The following LAMA4 variants were observed in gnomAD, a reference collection of about 807,000 sequenced individuals.
The protein encoded by LAMA4 is laminin subunit alpha-4.
Under a neutral mutation model 207.1 loss-of-function variants are expected in LAMA4, and 127 were observed. That is an observed-to-expected ratio of 0.61 (90% CI 0.53 to 0.71). The LOEUF is 0.71. LAMA4 is among the 30% of genes least tolerant of loss of function. The pLI, the probability that LAMA4 is intolerant of heterozygous loss-of-function variation, is 0.00. For missense variants in LAMA4, 2,093 were observed against 2,246.5 expected (o/e 0.93, Z 1.38); for synonymous variants, 761 against 816.0 (o/e 0.93, Z 1.15).
Position 112,155,719 on chromosome 6 carries a change from A to C in LAMA4, c.1818-13T>G, listed in dbSNP as rs781795209. ...ACTGTGCAACTTCCTGTTAATAAAC[A>C]AACATTGTTATTTCTCCTTCTTACC... On this transcript the variant is annotated splice_polypyrimidine_tract_variant and intron_variant, in intron 14 of 38. Coordinates refer to ENST00000230538, the MANE Select transcript of LAMA4 (RefSeq NM_001105206.3). The C allele has an allele frequency of 6.2e-7, 1 of 1,613,908 alleles. No individual in the cohort carries two copies. The highest frequency in any genetic ancestry group is 1.1e-5 in the South Asian group (1 of 91,078).
intron 2 of LAMA4, among the ~76,000 whole-genome samples, chr6:112,235,488 C>T (rs1188759015): frequency 1.3e-5 from 2 of 152,084 alleles, no homozygotes; most frequent in Non-Finnish European, 2.9e-5. Context: ...GTGCTATCAA[C>T]GTTTCATTTT....
chr6:112,204,962 T>G (rs1783974527), intron 4 of LAMA4, among the ~76,000 whole-genome samples: 1 of 152,170 alleles, frequency 6.6e-6, no homozygotes, highest in Non-Finnish European at 1.5e-5. Flanking sequence ...TTAGGTGAAA[T>G]GTTAGTTGAT....
chr6:112,133,057 A>G (rs1464006451), intron 27 of LAMA4, among the ~76,000 whole-genome samples, 167 bp from the exon 28 acceptor site: 1 of 152,296 alleles, frequency 6.6e-6, no homozygotes, highest in African/African-American at 2.4e-5. Context: ...AGCTCCTCTG[A>G]GAGATGGGGT....
intron 30 of LAMA4, 151 bp from the exon 31 acceptor site, chr6:112,129,226 T>C: frequency 1.5e-6 from 1 of 658,468 alleles, no homozygotes; most frequent in Non-Finnish European, 2.6e-6. Flanking sequence ...TCCTTACCCA[T>C]CAACCACTCT....
chr6:112,126,116 A>T (rs782298536), intron 31 of LAMA4, among the ~76,000 whole-genome samples: 2 of 152,216 alleles, frequency 1.3e-5, no homozygotes, highest in Non-Finnish European at 2.9e-5. Flanking sequence ...TAATATGGAA[A>T]AGCTTGTGTT....
intron 5 of LAMA4, among the ~76,000 whole-genome samples, chr6:112,201,296 A>G (rs1783732095): frequency 6.6e-6 from 1 of 152,220 alleles, no homozygotes; most frequent in Non-Finnish European, 1.5e-5. Flanking sequence ...ATTGATGGAG[A>G]GAGAAAAGAG....
At chr6:112,197,249 G>T (rs377106007) in intron 5 of LAMA4, among the ~76,000 whole-genome samples, 2 of 152,160 alleles carry the variant, frequency 1.3e-5, no homozygotes, top group East Asian at 1.9e-4. Flanking sequence ...GGAGTTTAAA[G>T]TGTGAGGTGG....
chr6:112,118,265 C>T lies in LAMA4; in HGVS notation c.4822-367G>A, dbSNP rs1376673735. On this transcript the variant is annotated intron_variant, in intron 34 of 38. Coordinates refer to ENST00000230538, the MANE Select transcript of LAMA4 (RefSeq NM_001105206.3). The surrounding 1 kb of genome is among the most constrained non-coding windows in gnomAD (Gnocchi z 4.6). ...TGATGAGGGCTAGCAAAGTTCTTTACTTAAATCTACCATAGCCAAATAAAC... is the reference window on the plus strand; with the variant it reads ...TGATGAGGGCTAGCAAAGTTCTTTATTTAAATCTACCATAGCCAAATAAAC... Among the ~76,000 whole-genome samples, 1 of 152,190 alleles carries T rather than the reference C, an allele frequency of 6.6e-6. No individual in the cohort carries two copies.
intron 9 of LAMA4, among the ~76,000 whole-genome samples, chr6:112,182,477 G>A (rs958102595): frequency 2.6e-5 from 4 of 152,194 alleles, no homozygotes; most frequent in Admixed American, 2.0e-4. Flanking sequence ...TATGAATACA[G>A]AGGGCCAACT....
At chr6:112,185,667 T>C (rs1554346464) in intron 8 of LAMA4, among the ~76,000 whole-genome samples, 1 of 152,218 alleles carries the variant, frequency 6.6e-6, no homozygotes, top group East Asian at 1.9e-4. Flanking sequence ...CCTGGGTGTC[T>C]GAGCTTTAGA....
chr6:112,190,775 A>G (rs1782971356), intron 6 of LAMA4, among the ~76,000 whole-genome samples: 1 of 152,226 alleles, frequency 6.6e-6, no homozygotes, highest in Admixed American at 6.5e-5. Flanking sequence ...TGACTTGCTA[A>G]TCTATTTTAT....
chr6:112,193,161 G>A (rs1284116142), intron 5 of LAMA4, among the ~76,000 whole-genome samples: 3 of 152,158 alleles, frequency 2.0e-5, no homozygotes, highest in Non-Finnish European at 4.4e-5. Flanking sequence ...GTAGGGTAGA[G>A]AAGTTAGTTC....
chr6:112,120,482 G>T lies in LAMA4; in HGVS notation c.4476-10C>A, dbSNP rs899288475. 5 of 1,600,246 alleles carry T rather than the reference G, an allele frequency of 3.1e-6. No homozygotes were observed. The Admixed American group carries it at 6.7e-5, about 21-fold the overall frequency. ...AATGGAAAACTGAGATCTGGTAAATGAAAAGAAAGGGATTACCATATGTAA... is the reference window on the plus strand; with the variant it reads ...AATGGAAAACTGAGATCTGGTAAATTAAAAGAAAGGGATTACCATATGTAA... On this transcript the variant is annotated splice_polypyrimidine_tract_variant and intron_variant, in intron 32 of 38. Transcript: ENST00000230538.
intron 4 of LAMA4, among the ~76,000 whole-genome samples, chr6:112,202,205 T>C (rs1463791721): frequency 6.6e-6 from 1 of 152,196 alleles, no homozygotes. Flanking sequence ...CCCAGTCAAG[T>C]ACTGCAGCAA....
Position 112,253,955 on chromosome 6 carries a change from C to A in LAMA4, c.195+1G>T. ...GGGTGGCAATGGCAGGGACACTGTA[C>A]CTCGGCCGCAGGCGGCAGGCGTCCC... On this transcript the variant is annotated splice_donor_variant, in intron 2 of 38. Transcript: ENST00000230538. LOFTEE classifies it high-confidence loss of function. 6.3e-7 allele frequency: 1 copy of A among 1,598,400 alleles called. No individual in the cohort carries two copies.
At position 112,108,013 on chromosome 6, in the gene LAMA4, A is replaced by G. The variant is rs1396085061; in HGVS notation, c.*1424T>C. ...CTATGAACAGACATTAGCTATGTTTATCGATATCTTCAACATTATCATTAT... is the reference window on the plus strand; with the variant it reads ...CTATGAACAGACATTAGCTATGTTTGTCGATATCTTCAACATTATCATTAT... On this transcript the variant is annotated 3_prime_UTR_variant, in exon 39 of 39. Coordinates refer to ENST00000230538, the MANE Select transcript of LAMA4 (RefSeq NM_001105206.3). Among the ~76,000 whole-genome samples the G allele has an allele frequency of 6.6e-6, 1 of 152,122 alleles. No individual in the cohort carries two copies. Among genetic ancestry groups the G allele is most frequent in the Non-Finnish European group, 1.5e-5 (1 of 67,976 alleles).
At chr6:112,167,021 A>G (rs1376247237) in intron 12 of LAMA4, among the ~76,000 whole-genome samples, 1 of 152,148 alleles carries the variant, frequency 6.6e-6, no homozygotes, top group Non-Finnish European at 1.5e-5. Flanking sequence ...AAACTATACA[A>G]TCTCATGTTC....
chr6:112,210,504 A>G lies in LAMA4; in HGVS notation c.298-3359T>C, dbSNP rs193086550. Among the ~76,000 whole-genome samples, 8 of 152,306 alleles carry G rather than the reference A, an allele frequency of 5.3e-5. 1 individual carries two copies. In the East Asian group the frequency reaches 9.7e-4, roughly 18 times the overall value. On this transcript the variant is annotated intron_variant, in intron 3 of 38. Coordinates refer to ENST00000230538, the MANE Select transcript of LAMA4 (RefSeq NM_001105206.3). The stretch of plus-strand genomic sequence containing the variant: ...GTGTCTCCCCAACATGAGAAATGAT[A>G]TCTCTCATGTGCTTGGTCACAGGAC...
At chr6:112,121,270 A>T (rs1214187379) in intron 32 of LAMA4, among the ~76,000 whole-genome samples, 1 of 152,250 alleles carries the variant, frequency 6.6e-6, no homozygotes, top group Non-Finnish European at 1.5e-5. Flanking sequence ...TGTAGAAATT[A>T]AACAAAACCT....
Sources: gnomAD v4.1 joint callset for allele counts (sites outside exome capture counted in the v4.1 genomes callset) on GRCh38, gnomAD v4.1.1 for gene constraint, Gnocchi (gnomAD v3.1) non-coding constraint, MANE v1.5 for transcripts, NCBI Gene and HGNC (gene_info 2026-07-23, HGNC 2026-07-21) for gene names.